Variants in CSMD1 observed in about 807,000 individuals in gnomAD.
CSMD1 encodes CUB and sushi domain-containing protein 1.
CSMD1 carries 213 observed loss-of-function variants against 417.5 expected under a neutral mutation model. The observed-to-expected ratio is 0.51, with a 90% CI of 0.46 to 0.57. The LOEUF (loss-of-function observed/expected upper bound fraction) is 0.57. Ranked by LOEUF, CSMD1 falls within the 20% of genes least tolerant of loss-of-function variation. The pLI, the probability that CSMD1 is intolerant of heterozygous loss-of-function variation, is 0.00. For synonymous variants in CSMD1, 2,862 were observed against 1,736.8 expected (o/e 1.65, Z -16.11); for missense variants, 6,923 against 4,529.7 (o/e 1.53, Z -15.17).
At chr8:3,937,839 G>A (rs1237126080) in intron 5 of CSMD1, among the ~76,000 whole-genome samples, 1 of 152,022 alleles carries the variant, frequency 6.6e-6, no homozygotes, top group East Asian at 1.9e-4. Context: ...ATGATTTAAA[G>A]TTTATAATTA....
intron 33 of CSMD1, among the ~76,000 whole-genome samples, chr8:3,191,357 G>C (rs1053003068): frequency 5.3e-5 from 8 of 152,162 alleles, no homozygotes; most frequent in African/African-American, 1.9e-4. Context: ...TCGGGAGTCT[G>C]AGGCAGGATA....
At chr8:4,750,635 C>A (rs371689701) in intron 1 of CSMD1, among the ~76,000 whole-genome samples, 1 of 151,738 alleles carries the variant, frequency 6.6e-6, no homozygotes, top group African/African-American at 2.4e-5. Flanking sequence ...CAAGGACATA[C>A]ACATCTAAAT....
intron 3 of CSMD1, among the ~76,000 whole-genome samples, chr8:4,382,923 G>A (rs1364172275): frequency 1.3e-5 from 2 of 152,158 alleles, no homozygotes; most frequent in African/African-American, 2.4e-5. Context: ...AAGTGGGAAG[G>A]TGTACATTCA....
chr8:3,728,013 C>A (rs892289435), intron 6 of CSMD1, among the ~76,000 whole-genome samples: 3 of 152,130 alleles, frequency 2.0e-5, no homozygotes, highest in African/African-American at 4.8e-5. Flanking sequence ...GGCTACACAA[C>A]AGTGTGACTG....
chr8:4,916,311 A>G (rs552841719), intron 1 of CSMD1, among the ~76,000 whole-genome samples: 32 of 152,354 alleles, frequency 2.1e-4, no homozygotes, highest in African/African-American at 7.7e-4. Flanking sequence ...ACATCAGCAG[A>G]TATTGTTGAC....
chr8:3,723,889 T>C (rs534400629), intron 6 of CSMD1, among the ~76,000 whole-genome samples: 4 of 152,202 alleles, frequency 2.6e-5, no homozygotes, highest in African/African-American at 9.6e-5. Flanking sequence ...TATAATAAAG[T>C]GCAAAAAGTT....
Position 4,436,709 on chromosome 8 carries a change from C to A in CSMD1, c.303-16644G>T, listed in dbSNP as rs561020335. Reference sequence around the variant, plus strand: ...CACAGCTTCTGGTAACCATCCTACTCCCTATGTCCATGAGTTTAATTGTTT... The same window carrying A: ...CACAGCTTCTGGTAACCATCCTACTACCTATGTCCATGAGTTTAATTGTTT... On this transcript the variant is annotated intron_variant, in intron 2 of 69. Coordinates refer to ENST00000635120, the MANE Select transcript of CSMD1 (RefSeq NM_033225.6). Among the ~76,000 whole-genome samples, 472 of 152,208 alleles carry A rather than the reference C, an allele frequency of 3.1e-3. 3 individuals carry two copies. The highest frequency in any genetic ancestry group is 5.6e-3 in the Non-Finnish European group (383 of 67,986).
intron 5 of CSMD1, among the ~76,000 whole-genome samples, chr8:3,830,545 T>C (rs1379907689): frequency 2.0e-5 from 3 of 152,188 alleles, no homozygotes; most frequent in African/African-American, 7.2e-5. Context: ...AAAGACCTCC[T>C]GGCATGTAGA....
rs139444950 is a variant in CSMD1 at position 3,128,124 on chromosome 8, T to A, written c.6242-9537A>T. The A allele has an allele frequency of 5.3e-5, 8 of 152,278 alleles. No homozygotes were observed. In the East Asian group the frequency reaches 1.3e-3, roughly 26 times the overall value. The allele number at this position is 152,278 out of a possible 1,614,324, so 9.4% of individuals were successfully genotyped here. ...AAGCCCAAGGCAATACCAACAAAAG[T>A]AAAATAACACAGAGAATTTTATCTT... On this transcript the variant is annotated intron_variant, in intron 41 of 69. Transcript: ENST00000635120.
intron 19 of CSMD1, among the ~76,000 whole-genome samples, chr8:3,368,339 G>T (rs1161016144): frequency 6.6e-6 from 1 of 151,970 alleles, no homozygotes; most frequent in East Asian, 1.9e-4. Flanking sequence ...ATAGACTCTT[G>T]TTTATTTTAT....
chr8:2,995,983 A>G (rs534205118), intron 54 of CSMD1, among the ~76,000 whole-genome samples: 2 of 152,266 alleles, frequency 1.3e-5, no homozygotes, highest in East Asian at 3.9e-4. Context: ...GACCACATCA[A>G]TGTCCATATG....
chr8:3,876,803 G>C (rs532667058), intron 5 of CSMD1, among the ~76,000 whole-genome samples: 115 of 152,132 alleles, frequency 7.6e-4, no homozygotes, highest in Non-Finnish European at 1.5e-3. Flanking sequence ...GTAGAAACGA[G>C]GTTTCACCAT....
At chr8:3,353,284 C>A (rs2117671290) in intron 21 of CSMD1, among the ~76,000 whole-genome samples, 1 of 152,302 alleles carries the variant, frequency 6.6e-6, no homozygotes, top group Non-Finnish European at 1.5e-5. Context: ...CTTTTGGAGG[C>A]ATGTCTTCTG....
At chr8:3,308,749 T>A (rs1043479603) in intron 23 of CSMD1, among the ~76,000 whole-genome samples, 2,470 of 149,136 alleles carry the variant, frequency 0.017, 73 homozygotes, top group African/African-American at 0.057. Context: ...TTTTTTTTTT[T>A]TTTTGCTTTT....
chr8:3,391,393 G>A (rs56021261), intron 17 of CSMD1, among the ~76,000 whole-genome samples: 9,277 of 152,196 alleles, frequency 0.061, 402 homozygotes, highest in East Asian at 0.17. Flanking sequence ...TCATACCCTT[G>A]AGAATTCCAT....
At chr8:4,328,448 G>A (rs1049720333) in intron 3 of CSMD1, among the ~76,000 whole-genome samples, 1 of 151,612 alleles carries the variant, frequency 6.6e-6, no homozygotes, top group Non-Finnish European at 1.5e-5. Context: ...AATTTCGGTT[G>A]TCACACATAA....
At chr8:2,971,207 T>C (rs1804425199) in intron 57 of CSMD1, among the ~76,000 whole-genome samples, 1 of 152,186 alleles carries the variant, frequency 6.6e-6, no homozygotes, top group Non-Finnish European at 1.5e-5. Context: ...GGACATATTT[T>C]TAATAGTTGT....
chr8:4,435,603 C>T (rs954881513), intron 2 of CSMD1, among the ~76,000 whole-genome samples: 2 of 152,236 alleles, frequency 1.3e-5, no homozygotes, highest in Middle Eastern at 3.4e-3. Context: ...CTGCTCTTCA[C>T]GGCACATGAG....
intron 37 of CSMD1, among the ~76,000 whole-genome samples, chr8:3,177,677 A>C (rs930480520): frequency 6.6e-5 from 10 of 152,184 alleles, no homozygotes; most frequent in Non-Finnish European, 1.0e-4. Flanking sequence ...GGGTAAATAG[A>C]AACACTCCAG....
Sources: gnomAD v4.1 joint callset for allele counts (sites outside exome capture counted in the v4.1 genomes callset) on GRCh38, gnomAD v4.1.1 for gene constraint, MANE v1.5 for transcripts, NCBI Gene and HGNC (gene_info 2026-07-23, HGNC 2026-07-21) for gene names.